STXBP5L: variants seen among roughly 807,000 people sequenced by gnomAD.
The protein encoded by STXBP5L is syntaxin binding protein 5L, also known as syntaxin-binding protein 5-like.
STXBP5L carries 65 observed loss-of-function variants against 144.5 expected under a neutral mutation model. That is an observed-to-expected ratio of 0.45 (90% CI 0.37 to 0.55). The LOEUF (loss-of-function observed/expected upper bound fraction) is 0.55. Ranked by LOEUF, STXBP5L falls within the 20% of genes least tolerant of loss-of-function variation. The probability of loss-of-function intolerance (pLI) is 0.00; values close to 1 mark genes in which losing one functional copy is unlikely to be tolerated. For missense variants in STXBP5L, 1,298 were observed against 1,405.5 expected (o/e 0.92, Z 1.22); for synonymous variants, 505 against 469.6 (o/e 1.08, Z -0.97).
At chr3:121,069,496 G>A (rs1389260670) in intron 5 of STXBP5L, among the ~76,000 whole-genome samples, 2 of 151,740 alleles carry the variant, frequency 1.3e-5, no homozygotes, top group African/African-American at 2.4e-5. Flanking sequence ...TTCGTCTCTC[G>A]GTGTAATTTC....
chr3:121,318,421 T>A (rs966952961), intron 19 of STXBP5L, 54 bp from the exon 20 acceptor site: 98 of 1,389,686 alleles, frequency 7.1e-5, no homozygotes, highest in Non-Finnish European at 9.4e-5. Context: ...GAAATAAGAA[T>A]AACCTACAAA....
intron 10 of STXBP5L, among the ~76,000 whole-genome samples, chr3:121,216,796 G>A (rs754976396): frequency 4.0e-4 from 61 of 152,086 alleles, no homozygotes; most frequent in African/African-American, 1.2e-3. Context: ...CCACCCCTCC[G>A]CCAGGTGCTC....
At chr3:121,072,287 C>T (rs1308641891) in intron 5 of STXBP5L, among the ~76,000 whole-genome samples, 3 of 152,218 alleles carry the variant, frequency 2.0e-5, no homozygotes, top group Non-Finnish European at 4.4e-5. Context: ...ATAAAGTCCA[C>T]AAGCAGGTTT....
At chr3:121,109,030 T>A (rs1355455889) in intron 5 of STXBP5L, among the ~76,000 whole-genome samples, 1 of 152,122 alleles carries the variant, frequency 6.6e-6, no homozygotes, top group Non-Finnish European at 1.5e-5. Context: ...GCAAATAAAC[T>A]AATTTATTTG....
chr3:121,085,576 A>G (rs1244705915), intron 5 of STXBP5L, among the ~76,000 whole-genome samples: 1 of 152,184 alleles, frequency 6.6e-6, no homozygotes, highest in African/African-American at 2.4e-5. Context: ...CCCATTCACA[A>G]TTGCTACAAA....
intron 9 of STXBP5L, among the ~76,000 whole-genome samples, chr3:121,191,985 T>C (rs1432251693): frequency 2.0e-5 from 3 of 152,066 alleles, no homozygotes; most frequent in Non-Finnish European, 4.4e-5. Context: ...TTGGGAGATA[T>C]ACCTAATGTA....
intron 20 of STXBP5L, among the ~76,000 whole-genome samples, chr3:121,335,447 C>A (rs756114504): frequency 8.6e-5 from 13 of 151,986 alleles, no homozygotes; most frequent in Non-Finnish European, 1.3e-4. Context: ...TAGAAAAAAA[C>A]TATTTAAAAT....
chr3:121,360,414 G>A (rs1339936796), intron 20 of STXBP5L, among the ~76,000 whole-genome samples: 1 of 149,462 alleles, frequency 6.7e-6, no homozygotes, highest in Non-Finnish European at 1.5e-5. Flanking sequence ...TTCTTGGTAA[G>A]TAAGGACTTA....
In STXBP5L at chr3:120,922,874, G is replaced by A. The variant is rs557478446; in HGVS notation, c.189+13107G>A. 1.5e-4 allele frequency among the ~76,000 whole-genome samples: 23 copies of A among 151,888 alleles called. No homozygotes were observed. In the South Asian group the frequency reaches 1.7e-3, roughly 11 times the overall value. ...TGGTTTTCATAATTCTGGTCTCATA[G>A]GATAAGTTTGGAAGTATTCCCTCTT... On this transcript the variant is annotated intron_variant, in intron 2 of 26. Transcript: ENST00000471454.
intron 20 of STXBP5L, among the ~76,000 whole-genome samples, chr3:121,356,506 G>A (rs1191876618): frequency 6.6e-6 from 1 of 152,250 alleles, no homozygotes; most frequent in Non-Finnish European, 1.5e-5. Context: ...CCAGGCACAG[G>A]AGAGAGTCTC....
At chr3:121,282,519 ATTT>A (rs1160217080) in intron 19 of STXBP5L, among the ~76,000 whole-genome samples, 1 of 151,830 alleles carries the variant, frequency 6.6e-6, no homozygotes, top group Admixed American at 6.6e-5. Flanking sequence ...ATTTCAATCC[ATTT>A]TTGTCCTGTA....
At chr3:120,997,015 C>G (rs1269601768) in intron 3 of STXBP5L, among the ~76,000 whole-genome samples, 1 of 152,118 alleles carries the variant, frequency 6.6e-6, no homozygotes, top group Non-Finnish European at 1.5e-5. Context: ...ACTCAATGTT[C>G]AGCTCCCACT....
At chr3:121,035,890 T>G (rs1484686894) in intron 3 of STXBP5L, among the ~76,000 whole-genome samples, 2 of 152,192 alleles carry the variant, frequency 1.3e-5, no homozygotes, top group Non-Finnish European at 2.9e-5. Flanking sequence ...TGGTCTTTAA[T>G]TTCTCTTTGT....
chr3:120,968,482 G>T (rs1202387248), intron 3 of STXBP5L, among the ~76,000 whole-genome samples: 3 of 151,976 alleles, frequency 2.0e-5, no homozygotes, highest in South Asian at 2.1e-4. Context: ...CTTTCAGTTT[G>T]TGCATGTCTA....
At position 121,279,840 on chromosome 3, in the gene STXBP5L, T is replaced by A. The variant is rs1211128270; in HGVS notation, c.1994T>A (p.Val665Glu). ...GGGAACTGCAATGGGTTGGCTGTGG[T>A]GGATTTTATACAGAAGACAGTACTG... ...AFGNCNGLAVVDFIQKTVLLS... is the reference protein window; with the variant it reads ...AFGNCNGLAVEDFIQKTVLLS... The change falls in exon 19 of 27, where the codon GTG becomes GAG. Residue 665 changes from valine (V) to glutamate (E), a missense_variant. Val to Glu is a moderately radical substitution (Grantham distance 121). Coordinates refer to ENST00000471454, the MANE Select transcript of STXBP5L (RefSeq NM_001308330.2). The A allele has an allele frequency of 6.2e-7, 1 of 1,612,586 alleles. No individual in the cohort carries two copies.
intron 9 of STXBP5L, among the ~76,000 whole-genome samples, chr3:121,171,311 A>G (rs1483714292): frequency 6.6e-6 from 1 of 152,114 alleles, no homozygotes; most frequent in African/African-American, 2.4e-5. Flanking sequence ...CAAGGATGGC[A>G]TCTCTCACCA....
At chr3:121,035,138 C>T (rs137994802) in intron 3 of STXBP5L, among the ~76,000 whole-genome samples, 3 of 151,880 alleles carry the variant, frequency 2.0e-5, no homozygotes, top group Middle Eastern at 6.8e-3. Context: ...ATAGTTTGCA[C>T]GTATTTTCTC....
intron 9 of STXBP5L, 113 bp downstream of exon 9, chr3:121,157,740 TG>T: frequency 2.2e-5 from 31 of 1,411,432 alleles, no homozygotes; most frequent in Non-Finnish European, 2.9e-5. Flanking sequence ...ACATAGCTTC[TG>T]GTTCTAAACA....
chr3:121,358,555 G>T (rs763455705), intron 20 of STXBP5L, among the ~76,000 whole-genome samples: 26 of 152,114 alleles, frequency 1.7e-4, no homozygotes, highest in Non-Finnish European at 2.9e-4. Flanking sequence ...TAGGGGGATT[G>T]TGCCAAACCA....
Sources: gnomAD v4.1 joint callset for allele counts (sites outside exome capture counted in the v4.1 genomes callset) on GRCh38, gnomAD v4.1.1 for gene constraint, MANE v1.5 for transcripts, NCBI Gene and HGNC (gene_info 2026-07-23, HGNC 2026-07-21) for gene names.